Variants in DMD observed in about 807,000 individuals in gnomAD.
DMD encodes mutant dystrophin.
DMD carries 63 observed loss-of-function variants against 330.1 expected under a neutral mutation model. The observed-to-expected ratio is 0.19, with a 90% CI of 0.16 to 0.24. DMD has a LOEUF of 0.24. Among genes scored for constraint, DMD ranks in the 10% least tolerant of loss-of-function variants. The pLI, the probability that DMD is intolerant of heterozygous loss-of-function variation, is 1.00. For synonymous variants in DMD, 1,223 were observed against 959.8 expected, an observed-to-expected ratio of 1.27 and a Z score of -5.07; for missense variants, 3,344 against 2,684.1, an observed-to-expected ratio of 1.25 and a Z score of -5.43.
At chrX:32,863,306 C>T (rs901019628) in intron 2 of DMD, among the ~76,000 whole-genome samples, 4 of 109,155 alleles carry the variant, frequency 3.7e-5, no homozygotes, top group Admixed American at 2.0e-4. Context: ...CACTTGAAGC[C>T]AGGAGTTTGA....
At chrX:31,492,845 G>A (rs1017067947) in intron 57 of DMD, among the ~76,000 whole-genome samples, 2 of 105,742 alleles carry the variant, frequency 1.9e-5, no homozygotes, top group African/African-American at 6.9e-5. Flanking sequence ...TGGACACAGG[G>A]AGGGGAACAT....
At chrX:31,554,246 T>G (rs1471113078) in intron 55 of DMD, among the ~76,000 whole-genome samples, 1 of 112,350 alleles carries the variant, frequency 8.9e-6, no homozygotes, top group African/African-American at 3.2e-5. Context: ...GACTCAACTT[T>G]GGCTAAATTG....
intron 43 of DMD, among the ~76,000 whole-genome samples, chrX:32,281,561 TC>T (rs1485462581): frequency 9.0e-6 from 1 of 111,373 alleles, no homozygotes; most frequent in African/African-American, 3.3e-5. Flanking sequence ...CATTACCCAG[TC>T]CCTAGAAGCC....
chrX:32,220,928 C>T (rs2097129854), intron 43 of DMD, among the ~76,000 whole-genome samples: 2 of 111,262 alleles, frequency 1.8e-5, no homozygotes, highest in Non-Finnish European at 3.8e-5. Flanking sequence ...TCAGTATAAA[C>T]ATAAGGATAA....
chrX:31,569,952 C>G (rs1157365600), intron 55 of DMD, among the ~76,000 whole-genome samples: 1 of 110,543 alleles, frequency 9.0e-6, no homozygotes. Flanking sequence ...CTCTTCTGTA[C>G]GCATGAGAGA....
intron 1 of DMD, among the ~76,000 whole-genome samples, chrX:33,180,329 T>G (rs2049924220): frequency 9.0e-6 from 1 of 111,646 alleles, no homozygotes; most frequent in Non-Finnish European, 1.9e-5. Context: ...ACAGAATACT[T>G]TCTTATATTC....
chrX:32,727,107 G>A (rs1237150564), intron 7 of DMD, among the ~76,000 whole-genome samples: 1 of 110,892 alleles, frequency 9.0e-6, no homozygotes, highest in East Asian at 2.8e-4. Flanking sequence ...TTTTAGGCAT[G>A]ATATCATCTT....
chrX:32,483,360 T>C (rs1376314084), intron 21 of DMD, among the ~76,000 whole-genome samples: 2 of 105,561 alleles, frequency 1.9e-5, no homozygotes, highest in African/African-American at 3.4e-5. Flanking sequence ...AGAAAGATGA[T>C]AGGGATGGAT....
At chrX:31,587,806 C>T (rs971322663) in intron 55 of DMD, among the ~76,000 whole-genome samples, 2 of 111,565 alleles carry the variant, frequency 1.8e-5, no homozygotes. Context: ...AGATAAGCTC[C>T]CAAATCTTTA....
At chrX:32,275,405 G>C (rs1405112566) in intron 43 of DMD, among the ~76,000 whole-genome samples, 1 of 111,510 alleles carries the variant, frequency 9.0e-6, no homozygotes, top group African/African-American at 3.3e-5. Context: ...TTACCAATGT[G>C]CACTCTACTG....
rs993697654 is a variant in DMD at position 31,120,858 on chromosome X, G to T, written c.*1061C>A. 2.1e-5 allele frequency: 2 copies of T among 95,731 alleles called. No homozygotes were observed. The highest frequency in any genetic ancestry group is 1.0e-4 in the African/African-American group (2 of 19,742). 7.9% of individuals were successfully genotyped at this position (95,731 alleles called of 1,213,427 possible). On this transcript the variant is annotated 3_prime_UTR_variant, in exon 79 of 79. Coordinates refer to ENST00000357033, the MANE Select transcript of DMD (RefSeq NM_004006.3). ...ATCGTGGCATTGCTAGCAGCAGGAA[G>T]CTGAATGTATCAATCAATCAATCAA...
At chrX:32,918,986 AG>A (rs1386365823) in intron 2 of DMD, among the ~76,000 whole-genome samples, 2 of 112,298 alleles carry the variant, frequency 1.8e-5, no homozygotes, top group Non-Finnish European at 3.8e-5. Flanking sequence ...GACGTTCAAA[AG>A]CTTGGTAGGT....
chrX:32,454,807 T>C lies in DMD; in HGVS notation c.3458A>G (p.Lys1153Arg). The change falls in exon 26 of 79, where the codon AAG becomes AGG. Residue 1153 changes from lysine (K) to arginine (R), a missense_variant. By Grantham distance (26) the Lys-to-Arg change is conservative. Coordinates refer to ENST00000357033, the MANE Select transcript of DMD (RefSeq NM_004006.3). ...GCTTACAGTTTTCTCCAAACCTCCC[T>C]TCAAGGCCTCCTTTCTGGCATAGAC... ...QQVYARKEAL[K>R]GGLEKTVSLQ... 1 of 1,207,884 alleles carries C rather than the reference T, an allele frequency of 8.3e-7. No homozygotes were observed. The highest frequency in any genetic ancestry group is 1.1e-6 in the Non-Finnish European group (1 of 893,309).
intron 71 of DMD, among the ~76,000 whole-genome samples, chrX:31,174,253 C>T (rs1418746447): frequency 9.0e-5 from 10 of 111,476 alleles, no homozygotes; most frequent in Admixed American, 4.7e-4. Context: ...TTTCATAGAA[C>T]GTCATGATAT....
At chrX:33,122,377 T>C (rs1213992567) in intron 1 of DMD, among the ~76,000 whole-genome samples, 2 of 112,990 alleles carry the variant, frequency 1.8e-5, no homozygotes, top group African/African-American at 3.2e-5. Context: ...AAAATTATTT[T>C]AGTCAAAGAA....
In DMD at chrX:33,261,627, AACAC is replaced by A. The variant is rs56984530; in HGVS notation, c.7+77628_7+77631del. Reference sequence around the variant, plus strand: ...TCTGTTACACTAGAGATACGGGAAGAACACACACACACACACACACACACACACA... The same window carrying A: ...TCTGTTACACTAGAGATACGGGAAGAACACACACACACACACACACACACA... On this transcript the variant is annotated intron_variant, in intron 1 of 17. Transcript: ENST00000288447. Among the ~76,000 whole-genome samples, 253 of 89,087 alleles carry A rather than the reference AACAC, an allele frequency of 2.8e-3. 1 individual carries two copies. Among genetic ancestry groups the A allele is most frequent in the African/African-American group, 8.3e-3 (203 of 24,466 alleles). The allele number at this position is 89,087 out of a possible 115,157, so 77.4% of individuals were successfully genotyped here.
intron 29 of DMD, among the ~76,000 whole-genome samples, chrX:32,416,319 G>C (rs774322863): frequency 8.9e-6 from 1 of 111,984 alleles, no homozygotes; most frequent in Non-Finnish European, 1.9e-5. Context: ...GCTTGCAAAT[G>C]GATTAAGAAT....
At chrX:33,060,251 G>GT (rs1309798880) in intron 1 of DMD, among the ~76,000 whole-genome samples, 1 of 111,091 alleles carries the variant, frequency 9.0e-6, no homozygotes, top group Admixed American at 9.7e-5. Context: ...AGCATCATGG[G>GT]TAAGGGAGAC....
chrX:31,732,841 T>G (rs1022657124), intron 51 of DMD, among the ~76,000 whole-genome samples: 3 of 111,736 alleles, frequency 2.7e-5, no homozygotes, highest in African/African-American at 9.8e-5. Flanking sequence ...AACAAACAAG[T>G]AGAATGCTAA....
Sources: allele counts gnomAD v4.1 joint callset (sites outside exome capture counted in the v4.1 genomes callset), GRCh38; gene constraint gnomAD v4.1.1; transcripts MANE v1.5; gene names NCBI Gene and HGNC (gene_info 2026-07-23, HGNC 2026-07-21).